The following SAMD13 variants were observed in gnomAD, a reference collection of about 807,000 sequenced individuals.
SAMD13 encodes sterile alpha motif domain containing 13.
SAMD13 carries 9 observed loss-of-function variants against 12.4 expected under a neutral mutation model. That is an observed-to-expected ratio of 0.72 (90% CI 0.44 to 1.26). The LOEUF is 1.26. Ranked by LOEUF, SAMD13 falls within the 50% of genes most tolerant of loss-of-function variation. The probability of loss-of-function intolerance (pLI) is 0.00; values close to 1 mark genes in which losing one functional copy is unlikely to be tolerated. For missense variants in SAMD13, 84 were observed against 119.6 expected (o/e 0.70, Z 1.39); for synonymous variants, 46 against 45.4 (o/e 1.01, Z -0.05).
chr1:84,308,894 G>A (rs1159479656), intron 2 of SAMD13, among the ~76,000 whole-genome samples: 2 of 152,276 alleles, frequency 1.3e-5, no homozygotes, highest in South Asian at 2.1e-4. Flanking sequence ...AATTAAGCAT[G>A]ACATTGCAAT....
intron 2 of SAMD13, among the ~76,000 whole-genome samples, chr1:84,323,342 TA>T (rs1329323399): frequency 6.6e-6 from 1 of 152,174 alleles, no homozygotes; most frequent in Admixed American, 6.5e-5. Flanking sequence ...ACATAGTTAA[TA>T]TTTAGTAACA....
intron 2 of SAMD13, among the ~76,000 whole-genome samples, chr1:84,311,788 A>T (rs1032580681): frequency 5.9e-5 from 9 of 152,250 alleles, no homozygotes; most frequent in Admixed American, 1.3e-4. Flanking sequence ...ATATCTAGCT[A>T]AAATTCTTTG....
At chr1:84,318,819 T>C (rs1240548085) in intron 2 of SAMD13, among the ~76,000 whole-genome samples, 4 of 152,224 alleles carry the variant, frequency 2.6e-5, no homozygotes, top group Non-Finnish European at 5.9e-5. Flanking sequence ...CTTTGATTAT[T>C]CCCTTCAATT....
upstream of SAMD13, chr1:84,301,627 T>A: frequency 1.0e-6 from 1 of 985,442 alleles, no homozygotes; most frequent in Non-Finnish European, 1.2e-6. Context: ...GTGCAGCTTG[T>A]GTGTGATTCC....
chr1:84,298,602 A>G, upstream of SAMD13: 1 of 1,280,478 alleles, frequency 7.8e-7, no homozygotes, highest in Non-Finnish European at 9.9e-7. Flanking sequence ...GGGCGTGGGA[A>G]GGCGCCCGCC....
At chr1:84,328,737 GATTA>G (rs1410496831) in intron 3 of SAMD13, among the ~76,000 whole-genome samples, 2 of 152,158 alleles carry the variant, frequency 1.3e-5, no homozygotes, top group African/African-American at 4.8e-5. Flanking sequence ...TCATCATCCT[GATTA>G]GAAAATGCAG....
chr1:84,298,935 C>T (rs72714711), upstream of SAMD13, among the ~76,000 whole-genome samples: 2,352 of 152,276 alleles, frequency 0.015, 26 homozygotes, highest in Non-Finnish European at 0.022. Flanking sequence ...TAAACGCCAG[C>T]GAACTGCCTC....
At chr1:84,315,055 T>A (rs1419532680) in intron 2 of SAMD13, among the ~76,000 whole-genome samples, 4 of 151,244 alleles carry the variant, frequency 2.6e-5, no homozygotes, top group Non-Finnish European at 4.4e-5. Flanking sequence ...TTTCTTTCCT[T>A]CCTTCTTTCT....
chr1:84,306,830 A>AAATAATAATAATAATAAT (rs56408257), intron 2 of SAMD13, among the ~76,000 whole-genome samples: 50 of 144,480 alleles, frequency 3.5e-4, no homozygotes, highest in African/African-American at 1.2e-3. Flanking sequence ...CTCCGTCTCA[A>AAATAATAATAATAATAAT]AATAATAATA....
chr1:84,322,268 T>C (rs1340021623), intron 2 of SAMD13, among the ~76,000 whole-genome samples: 2 of 152,130 alleles, frequency 1.3e-5, no homozygotes, highest in African/African-American at 4.8e-5. Flanking sequence ...AGGCTTTTAA[T>C]AAATATCTGT....
chr1:84,310,448 G>A (rs1387881207), intron 2 of SAMD13, among the ~76,000 whole-genome samples: 4 of 152,224 alleles, frequency 2.6e-5, no homozygotes, highest in East Asian at 1.9e-4. Context: ...CATGGAACCC[G>A]TGAGCCACAG....
At chr1:84,302,569 C>T (rs1344756203) in intron 1 of SAMD13, 4 of 606,242 alleles carry the variant, frequency 6.6e-6, no homozygotes, top group Non-Finnish European at 8.3e-6. Context: ...CACACACACA[C>T]ACACACACCA....
chr1:84,299,584 C>A, upstream of SAMD13: 1 of 1,511,594 alleles, frequency 6.6e-7, no homozygotes, highest in Non-Finnish European at 8.9e-7. Flanking sequence ...ATGCTACATA[C>A]TACACACACA....
chr1:84,329,823 G>C (rs75583550), intron 3 of SAMD13, among the ~76,000 whole-genome samples: 5 of 152,180 alleles, frequency 3.3e-5, no homozygotes, highest in African/African-American at 9.7e-5. Context: ...TCAATAGCAC[G>C]TATGTTTTGG....
At chr1:84,346,414 C>T (rs1679536043) in intron 3 of SAMD13, among the ~76,000 whole-genome samples, 2 of 152,150 alleles carry the variant, frequency 1.3e-5, no homozygotes, top group South Asian at 4.1e-4. Context: ...TACATAAAGA[C>T]ACAATCAATG....
intron 2 of SAMD13, among the ~76,000 whole-genome samples, chr1:84,323,166 G>A (rs911581700): frequency 1.3e-5 from 2 of 152,054 alleles, no homozygotes; most frequent in South Asian, 2.1e-4. Context: ...TTGGAACAAT[G>A]AACTCCTTTC....
chr1:84,309,647 A>T (rs547901211), intron 2 of SAMD13, among the ~76,000 whole-genome samples: 2 of 152,298 alleles, frequency 1.3e-5, no homozygotes, highest in Admixed American at 6.5e-5. Context: ...CTGAAATGGA[A>T]GAGTAAGTGA....
upstream of SAMD13, chr1:84,298,573 T>A: frequency 7.8e-7 from 1 of 1,283,486 alleles, no homozygotes; most frequent in Non-Finnish European, 9.9e-7. Flanking sequence ...GGGAGGTAAG[T>A]GATCTGCCTG....
chr1:84,302,214 AC>A (rs1313229281), intron 1 of SAMD13, among the ~76,000 whole-genome samples: 33 of 152,196 alleles, frequency 2.2e-4, no homozygotes, highest in African/African-American at 7.2e-4. Context: ...TAAATGATGC[AC>A]TTGCCATGTC....
Sources: gnomAD v4.1 joint callset for allele counts (sites outside exome capture counted in the v4.1 genomes callset) on GRCh38, gnomAD v4.1.1 for gene constraint, MANE v1.5 for transcripts, NCBI Gene and HGNC (gene_info 2026-07-23, HGNC 2026-07-21) for gene names.